The following DYNC2H1 variants were observed in gnomAD, a reference collection of about 807,000 sequenced individuals.
The protein encoded by DYNC2H1 is cytoplasmic dynein 2 heavy chain 1.
DYNC2H1 carries 410 observed loss-of-function variants against 570.0 expected under a neutral mutation model. That is an observed-to-expected ratio of 0.72 (90% CI 0.66 to 0.78). The LOEUF (loss-of-function observed/expected upper bound fraction) is 0.78, where lower values mean the gene tolerates loss of function less well. Among genes scored for constraint, DYNC2H1 ranks in the 30% least tolerant of loss-of-function variants. DYNC2H1 has a pLI of 0.00. For synonymous variants in DYNC2H1, 1,688 were observed against 1,677.6 expected, an observed-to-expected ratio of 1.01 and a Z score of -0.15; for missense variants, 4,865 against 5,046.4, an observed-to-expected ratio of 0.96 and a Z score of 1.09.
rs775565314 is a variant in DYNC2H1, at chr11:103,133,753, TAA to T, written c.2106+50_2106+51del. 4.0e-6 allele frequency: 6 copies of T among 1,482,126 alleles called. No homozygotes were observed. Among genetic ancestry groups the T allele is most frequent in the Non-Finnish European group, 4.5e-6 (5 of 1,106,574 alleles). The allele number at this position is 1,482,126 out of a possible 1,614,324, so 91.8% of individuals were successfully genotyped here. A position where few individuals can be genotyped will look rare whatever the true frequency, so the allele number is the denominator to read the frequency against. On this transcript the variant is annotated intron_variant, in intron 14 of 88. Transcript: ENST00000375735. This position sits in a 1 kb window ranked among gnomAD's most constrained non-coding sequence, Gnocchi z 4.8. ...TGAATAAGCTATGAATGATATTATT[TAA>T]AAAGTCATTAAGATACAATTTTTAA...
intron 68 of DYNC2H1, 68 bp from the exon 69 acceptor site, chr11:103,257,540 T>C: frequency 7.0e-7 from 1 of 1,432,330 alleles, no homozygotes; most frequent in South Asian, 1.7e-5. Flanking sequence ...TTGTAGTCTT[T>C]AGGTGGCAGT....
At chr11:103,121,624 T>C in intron 10 of DYNC2H1, 128 bp downstream of exon 10, 2 of 1,054,860 alleles carry the variant, frequency 1.9e-6, no homozygotes, top group South Asian at 4.0e-5. Flanking sequence ...CTAATTTTCA[T>C]ACAAAATGCA....
intron 12 of DYNC2H1, among the ~76,000 whole-genome samples, 184 bp downstream of exon 12, chr11:103,125,479 AATT>A (rs1481321603): frequency 6.6e-6 from 1 of 151,838 alleles, no homozygotes; most frequent in Non-Finnish European, 1.5e-5. Flanking sequence ...GAATTTATTA[AATT>A]ATTATTGTTT....
intron 71 of DYNC2H1, among the ~76,000 whole-genome samples, chr11:103,281,712 A>G (rs1458435650): frequency 1.5e-5 from 2 of 132,884 alleles, no homozygotes; most frequent in Non-Finnish European, 3.2e-5. Context: ...TCTTAATTCT[A>G]TGGCAAAAAA....
intron 70 of DYNC2H1, among the ~76,000 whole-genome samples, chr11:103,274,145 T>TAC (rs1865817134): frequency 1.3e-5 from 2 of 151,682 alleles, no homozygotes; most frequent in South Asian, 4.2e-4. Flanking sequence ...TATATATATA[T>TAC]ATACACACAC....
chr11:103,171,709 G>T (rs1035876734), intron 34 of DYNC2H1, among the ~76,000 whole-genome samples: 3 of 152,230 alleles, frequency 2.0e-5, no homozygotes, highest in African/African-American at 7.2e-5. Flanking sequence ...TTTGAAGTAG[G>T]TGCTATTATT....
rs115606429 is a variant in DYNC2H1, at chr11:103,202,642, C to T, written c.8198-1021C>T. ...CTTGTGGGGTGGGGGTGGTCTGGTG[C>T]CTCTTAGTTGAACCTAAAGAAAAGT... On this transcript the variant is annotated intron_variant, in intron 50 of 88. Transcript: ENST00000375735. 9.7e-3 allele frequency among the ~76,000 whole-genome samples: 1,476 copies of T among 151,988 alleles called. 33 individuals are homozygous for T. Among genetic ancestry groups the T allele is most frequent in the African/African-American group, 0.034 (1,389 of 41,440 alleles).
intron 78 of DYNC2H1, among the ~76,000 whole-genome samples, chr11:103,309,827 G>T (rs1867493513): frequency 6.6e-6 from 1 of 152,030 alleles, no homozygotes; most frequent in African/African-American, 2.4e-5. Context: ...TTCGATAAGA[G>T]AGTATTATTA....
chr11:103,142,132 A>G (rs1202037419), intron 17 of DYNC2H1, among the ~76,000 whole-genome samples: 7 of 152,186 alleles, frequency 4.6e-5, no homozygotes, highest in Non-Finnish European at 7.3e-5. Context: ...TTGACTAGGA[A>G]AGGGAACTCC....
At chr11:103,188,410 A>G in intron 43 of DYNC2H1, 87 bp from the exon 44 acceptor site, 1 of 1,017,024 alleles carries the variant, frequency 9.8e-7, no homozygotes, top group Non-Finnish European at 1.4e-6. Context: ...GCATTTAGAA[A>G]TAATTGAAAC....
At chr11:103,386,310 A>G (rs548635858) in intron 83 of DYNC2H1, among the ~76,000 whole-genome samples, 1 of 152,104 alleles carries the variant, frequency 6.6e-6, no homozygotes, top group South Asian at 2.1e-4. Flanking sequence ...GTTATGTGGT[A>G]TTGGAATTAT....
rs1941462727 is a variant in DYNC2H1, at chr11:103,377,979, C to T, written c.12156+19620C>T. Reference sequence around the variant, plus strand: ...TCGAACTCCTGGCCTCATGTGATTCCTCCAGCCTTGGCCTCCCAAAGCAAT... The same window carrying T: ...TCGAACTCCTGGCCTCATGTGATTCTTCCAGCCTTGGCCTCCCAAAGCAAT... On this transcript the variant is annotated intron_variant, in intron 83 of 88. Coordinates refer to ENST00000375735, the MANE Select transcript of DYNC2H1 (RefSeq NM_001377.3). Among the ~76,000 whole-genome samples the T allele has an allele frequency of 2.0e-5, 3 of 152,316 alleles. No individual in the cohort carries two copies. The South Asian group carries it at 6.2e-4, about 32-fold the overall frequency.
chr11:103,176,056 T>G (rs1332944719), intron 36 of DYNC2H1, among the ~76,000 whole-genome samples, 179 bp from the exon 37 acceptor site: 1 of 152,134 alleles, frequency 6.6e-6, no homozygotes, highest in Non-Finnish European at 1.5e-5. Context: ...TATTTACTTT[T>G]TAGCAGTCAA....
At chr11:103,283,773 T>C (rs1426899053) in intron 73 of DYNC2H1, among the ~76,000 whole-genome samples, 2 of 152,130 alleles carry the variant, frequency 1.3e-5, no homozygotes, top group African/African-American at 2.4e-5. Flanking sequence ...TCTTGTTGCA[T>C]AGTCTGGGCT....
At chr11:103,436,147 ATCATATAT>A (rs1405648422) in intron 85 of DYNC2H1, 115 bp downstream of exon 85, 1 of 793,776 alleles carries the variant, frequency 1.3e-6, no homozygotes, top group African/African-American at 1.7e-5. Context: ...CACATAAAAC[ATCATATAT>A]TCATTATTCT....
chr11:103,112,620 A>G (rs1397896031), intron 1 of DYNC2H1, among the ~76,000 whole-genome samples: 1 of 152,242 alleles, frequency 6.6e-6, no homozygotes, highest in Non-Finnish European at 1.5e-5. Context: ...ATGAAATGTT[A>G]TAAGCATTTG....
chr11:103,116,769 T>C, intron 5 of DYNC2H1, 55 bp downstream of exon 5: 1 of 1,515,072 alleles, frequency 6.6e-7, no homozygotes, highest in Non-Finnish European at 8.9e-7. Context: ...TATTTTGTTA[T>C]CTTTTTATCC....
chr11:103,221,771 G>T (rs1461618365), intron 57 of DYNC2H1, among the ~76,000 whole-genome samples: 1 of 152,098 alleles, frequency 6.6e-6, no homozygotes, highest in Non-Finnish European at 1.5e-5. Flanking sequence ...TGGGAGGATC[G>T]CTTGAGCCCA....
At position 103,465,176 on chromosome 11, in the gene DYNC2H1, C is replaced by A. The variant is rs1945155945; in HGVS notation, c.12649-3413C>A. Reference sequence around the variant, plus strand: ...AAAAAAATATAAAATGGGAATAATACCAAATATATGACTATTGTAAACATA... The same window carrying A: ...AAAAAAATATAAAATGGGAATAATAACAAATATATGACTATTGTAAACATA... On this transcript the variant is annotated intron_variant, in intron 87 of 88. Transcript: ENST00000375735. This position sits in a 1 kb window ranked among gnomAD's most constrained non-coding sequence, Gnocchi z 4.9. Among the ~76,000 whole-genome samples the A allele has an allele frequency of 6.6e-6, 1 of 151,820 alleles. No individual in the cohort carries two copies. Among genetic ancestry groups the A allele is most frequent in the Non-Finnish European group, 1.5e-5 (1 of 67,932 alleles).
Sources: gnomAD v4.1 joint callset for allele counts (sites outside exome capture counted in the v4.1 genomes callset) on GRCh38, gnomAD v4.1.1 for gene constraint, Gnocchi (gnomAD v3.1) non-coding constraint, MANE v1.5 for transcripts, NCBI Gene and HGNC (gene_info 2026-07-23, HGNC 2026-07-21) for gene names.